Variants in EFL1 observed in about 807,000 individuals in gnomAD.
The protein encoded by EFL1 is elongation factor-like GTPase 1.
Under a neutral mutation model 126.7 loss-of-function variants are expected in EFL1, and 76 were observed. The observed-to-expected ratio is 0.60, with a 90% CI of 0.50 to 0.73. The LOEUF (loss-of-function observed/expected upper bound fraction) is 0.73. Among genes scored for constraint, EFL1 ranks in the 30% least tolerant of loss-of-function variants. The pLI, the probability that EFL1 is intolerant of heterozygous loss-of-function variation, is 0.00. For synonymous variants in EFL1, 410 were observed against 448.4 expected (o/e 0.91, Z 1.08); for missense variants, 1,128 against 1,343.2 (o/e 0.84, Z 2.50).
chr15:82,211,162 A>C (rs1321029611), intron 15 of EFL1, among the ~76,000 whole-genome samples: 4 of 151,944 alleles, frequency 2.6e-5, no homozygotes, highest in Non-Finnish European at 2.9e-5. Flanking sequence ...CAAAAGCTGG[A>C]ATCCCAGCAT....
intron 14 of EFL1, among the ~76,000 whole-genome samples, chr15:82,219,151 C>T (rs2141301766): frequency 6.6e-6 from 1 of 152,304 alleles, no homozygotes; most frequent in Non-Finnish European, 1.5e-5. Context: ...AGCCTGTGAT[C>T]CCTGTTTCGC....
intron 15 of EFL1, among the ~76,000 whole-genome samples, chr15:82,213,024 A>G (rs1206081877): frequency 5.3e-5 from 8 of 152,198 alleles, no homozygotes. Context: ...CTGATGACAC[A>G]GAAGAGTCAT....
intron 18 of EFL1, among the ~76,000 whole-genome samples, chr15:82,139,764 T>C (rs2141214346): frequency 6.6e-6 from 1 of 152,350 alleles, no homozygotes; most frequent in South Asian, 2.1e-4. Context: ...GCATATATTA[T>C]CCTTAAACAT....
At chr15:82,259,005 G>T in intron 3 of EFL1, 83 bp downstream of exon 3, 1 of 1,257,254 alleles carries the variant, frequency 8.0e-7, no homozygotes, top group East Asian at 2.3e-5. Context: ...CTTTTGGATG[G>T]CTGAAGAACA....
intron 17 of EFL1, among the ~76,000 whole-genome samples, chr15:82,154,356 T>A (rs1004777005): frequency 6.6e-6 from 1 of 152,142 alleles, no homozygotes. Context: ...GACAATATAG[T>A]CTCCTTGTCT....
chr15:82,151,123 G>A (rs1161740090), intron 18 of EFL1, among the ~76,000 whole-genome samples: 8 of 152,148 alleles, frequency 5.3e-5, no homozygotes, highest in East Asian at 3.9e-4. Context: ...AGTGGCTCAC[G>A]CCTGTAATCC....
intron 18 of EFL1, among the ~76,000 whole-genome samples, chr15:82,149,455 G>A (rs956738518): frequency 8.5e-5 from 13 of 152,120 alleles, no homozygotes; most frequent in African/African-American, 2.4e-4. Flanking sequence ...ATGAGAAGAC[G>A]TAATTGTTAA....
intron 18 of EFL1, among the ~76,000 whole-genome samples, chr15:82,139,823 G>A (rs1464651360): frequency 6.6e-6 from 1 of 152,182 alleles, no homozygotes; most frequent in Non-Finnish European, 1.5e-5. Flanking sequence ...GACCACCATT[G>A]AGTCCTGGAC....
intron 19 of EFL1, 69 bp downstream of exon 19, chr15:82,138,589 T>C: frequency 6.5e-7 from 1 of 1,549,068 alleles, no homozygotes; most frequent in Admixed American, 1.8e-5. Context: ...TTTGCTACTC[T>C]TGGCCTCCTC....
chr15:82,138,880 C>T (rs746152926), intron 18 of EFL1, 38 bp from the exon 19 acceptor site: 66 of 1,586,302 alleles, frequency 4.2e-5, no homozygotes, highest in Non-Finnish European at 5.5e-5. Context: ...ATGGATCAAT[C>T]ATATGGCTTG....
intron 15 of EFL1, among the ~76,000 whole-genome samples, chr15:82,210,035 T>C (rs2074567584): frequency 6.6e-6 from 1 of 152,242 alleles, no homozygotes; most frequent in South Asian, 2.1e-4. Context: ...ACTATTTTCT[T>C]ATTAAATAGG....
intron 15 of EFL1, among the ~76,000 whole-genome samples, chr15:82,168,827 T>C (rs1205291746): frequency 6.6e-6 from 1 of 152,222 alleles, no homozygotes; most frequent in Non-Finnish European, 1.5e-5. Flanking sequence ...TACTTCAAGA[T>C]CTGTGGGCCC....
At chr15:82,141,174 T>C (rs1325911116) in intron 18 of EFL1, among the ~76,000 whole-genome samples, 2 of 152,180 alleles carry the variant, frequency 1.3e-5, no homozygotes, top group Non-Finnish European at 2.9e-5. Flanking sequence ...TACATCCCTC[T>C]TGGTATTTGG....
intron 15 of EFL1, among the ~76,000 whole-genome samples, chr15:82,213,152 TCTGG>T (rs2074607135): frequency 6.6e-6 from 1 of 152,228 alleles, no homozygotes; most frequent in Non-Finnish European, 1.5e-5. Context: ...AGGAAATAAA[TCTGG>T]CTTTTCCTCT....
intron 14 of EFL1, among the ~76,000 whole-genome samples, chr15:82,218,982 T>C (rs895601437): frequency 6.6e-6 from 1 of 152,178 alleles, no homozygotes; most frequent in Non-Finnish European, 1.5e-5. Context: ...TGCTCCACGG[T>C]GCCAGCTGAC....
At chr15:82,210,821 C>T (rs1567064397) in intron 15 of EFL1, among the ~76,000 whole-genome samples, 2 of 148,556 alleles carry the variant, frequency 1.3e-5, no homozygotes, top group African/African-American at 5.0e-5. Flanking sequence ...AAGATTGCAC[C>T]ATTGCACTCC....
intron 18 of EFL1, among the ~76,000 whole-genome samples, chr15:82,147,543 G>A (rs1004034535): frequency 6.7e-6 from 1 of 150,296 alleles, no homozygotes; most frequent in Non-Finnish European, 1.5e-5. Flanking sequence ...TTGGGAGGCT[G>A]AGTCAGGAGA....
At chr15:82,244,765 T>C (rs1444379076) in intron 4 of EFL1, among the ~76,000 whole-genome samples, 1 of 152,162 alleles carries the variant, frequency 6.6e-6, no homozygotes, top group Non-Finnish European at 1.5e-5. Flanking sequence ...AAGGTGCACA[T>C]TTGTCACTAG....
chr15:82,135,052 G>C (rs2073705982), intron 19 of EFL1, among the ~76,000 whole-genome samples: 1 of 152,122 alleles, frequency 6.6e-6, no homozygotes, highest in Non-Finnish European at 1.5e-5. Context: ...AAATATATCA[G>C]ATCAATGACA....
Sources: allele counts gnomAD v4.1 joint callset (sites outside exome capture counted in the v4.1 genomes callset), GRCh38; gene constraint gnomAD v4.1.1; transcripts MANE v1.5; gene names NCBI Gene and HGNC (gene_info 2026-07-23, HGNC 2026-07-21).